The following RAPGEF6 variants were observed in gnomAD, a reference collection of about 807,000 sequenced individuals.
RAPGEF6 encodes Rap guanine nucleotide exchange factor 6.
A neutral mutation model predicts 171.4 loss-of-function variants in RAPGEF6; 56 were observed. That is an observed-to-expected ratio of 0.33 (90% CI 0.26 to 0.41). The LOEUF (loss-of-function observed/expected upper bound fraction) is 0.41. Ranked by LOEUF, RAPGEF6 falls within the 10% of genes least tolerant of loss-of-function variation. The probability of loss-of-function intolerance (pLI) is 1.00; values close to 1 mark genes in which losing one functional copy is unlikely to be tolerated. For missense variants in RAPGEF6, 1,674 were observed against 1,921.4 expected, an observed-to-expected ratio of 0.87 and a Z score of 2.41; for synonymous variants, 692 against 650.1, an observed-to-expected ratio of 1.06 and a Z score of -0.98.
intron 22 of RAPGEF6, among the ~76,000 whole-genome samples, chr5:131,446,219 A>T (rs1162338554): frequency 6.6e-6 from 1 of 152,202 alleles, no homozygotes; most frequent in Non-Finnish European, 1.5e-5. Context: ...TCAAACAGAA[A>T]GCCTCCTCTA....
Position 131,521,512 on chromosome 5 carries a change from C to A in RAPGEF6, c.505G>T (p.Asp169Tyr). 5.0e-6 allele frequency: 8 copies of A among 1,598,070 alleles called. No individual in the cohort carries two copies. The highest frequency in any genetic ancestry group is 1.1e-5 in the South Asian group (1 of 87,476). Residue 169 changes from aspartate (D) to tyrosine (Y), a missense_variant, in exon 7 of 28, where the codon GAT (aspartate) becomes TAT (tyrosine). Asp to Tyr is a radical substitution (Grantham distance 160). Around this residue, in one of 3 missense-constraint regions of RAPGEF6, gnomAD observed 1,116 missense variants for 1,321.5 expected, o/e 0.84. Coordinates refer to ENST00000509018, the MANE Select transcript of RAPGEF6 (RefSeq NM_016340.6). ...EVNSYLSLPA[D>Y]LTKMHLTENP... Reference sequence around the variant, plus strand: ...TCTGTGAGATGCATCTTGGTAAGATCAGCTGGAAGCTGAAAAAAAAAATAA... The same window carrying A: ...TCTGTGAGATGCATCTTGGTAAGATAAGCTGGAAGCTGAAAAAAAAAATAA...
intron 1 of RAPGEF6, among the ~76,000 whole-genome samples, chr5:131,608,682 T>A (rs1051805488): frequency 1.3e-5 from 2 of 152,172 alleles, no homozygotes; most frequent in African/African-American, 4.8e-5. Flanking sequence ...TGTAAATAGA[T>A]CAATGCTTGT....
chr5:131,454,373 T>C (rs1360040993), intron 20 of RAPGEF6, among the ~76,000 whole-genome samples: 1 of 152,194 alleles, frequency 6.6e-6, no homozygotes, highest in Non-Finnish European at 1.5e-5. Context: ...TAATCTCACT[T>C]TTCAATAATA....
chr5:131,515,198 C>A (rs538295866), intron 7 of RAPGEF6, among the ~76,000 whole-genome samples: 1 of 152,270 alleles, frequency 6.6e-6, no homozygotes, highest in Admixed American at 6.5e-5. Context: ...AGTGTTAAGC[C>A]TTAGACTTTC....
At chr5:131,589,389 C>A (rs924430201) in intron 4 of RAPGEF6, among the ~76,000 whole-genome samples, 2 of 152,184 alleles carry the variant, frequency 1.3e-5, no homozygotes, top group African/African-American at 4.8e-5. Context: ...GGCACTATGA[C>A]AGATTACATA....
chr5:131,561,129 T>C (rs1158260812), intron 5 of RAPGEF6, among the ~76,000 whole-genome samples: 1 of 151,886 alleles, frequency 6.6e-6, no homozygotes, highest in Non-Finnish European at 1.5e-5. Flanking sequence ...AAAAAAAAAT[T>C]CTAAAGTTAC....
chr5:131,583,168 A>C (rs993598383), intron 4 of RAPGEF6, among the ~76,000 whole-genome samples: 7 of 152,150 alleles, frequency 4.6e-5, no homozygotes, highest in Non-Finnish European at 8.8e-5. Flanking sequence ...CCTAAACCCC[A>C]ATCGACTAAA....
At chr5:131,592,034 T>C (rs1400299447) in intron 4 of RAPGEF6, among the ~76,000 whole-genome samples, 2 of 152,040 alleles carry the variant, frequency 1.3e-5, no homozygotes, top group Non-Finnish European at 2.9e-5. Context: ...ATTTTGTATT[T>C]TAATAGAGAC....
chr5:131,488,122 T>C (rs1033287430), intron 15 of RAPGEF6, among the ~76,000 whole-genome samples: 10 of 152,118 alleles, frequency 6.6e-5, no homozygotes, highest in Admixed American at 4.6e-4. Flanking sequence ...CCATGTAACT[T>C]CTACCCTCTG....
At chr5:131,575,288 C>G (rs567288770) in intron 4 of RAPGEF6, among the ~76,000 whole-genome samples, 19 of 152,318 alleles carry the variant, frequency 1.2e-4, no homozygotes, top group African/African-American at 4.6e-4. Flanking sequence ...GATCTACTTT[C>G]TTTCCATCCG....
intron 5 of RAPGEF6, among the ~76,000 whole-genome samples, chr5:131,550,883 C>G (rs1010362681): frequency 3.9e-5 from 6 of 152,164 alleles, no homozygotes; most frequent in African/African-American, 1.4e-4. Flanking sequence ...TTCAACCAAT[C>G]CCTCCTCTAC....
At chr5:131,477,541 G>A (rs1380653904) in intron 16 of RAPGEF6, among the ~76,000 whole-genome samples, 3 of 152,070 alleles carry the variant, frequency 2.0e-5, no homozygotes, top group Admixed American at 6.6e-5. Context: ...TGTTCCTGGC[G>A]ACCTCAGTTT....
At chr5:131,515,360 C>T (rs939463997) in intron 7 of RAPGEF6, among the ~76,000 whole-genome samples, 3 of 152,304 alleles carry the variant, frequency 2.0e-5, no homozygotes, top group Admixed American at 6.5e-5. Context: ...TACAACACGG[C>T]AGGCAGGCAA....
intron 13 of RAPGEF6, among the ~76,000 whole-genome samples, chr5:131,493,973 G>A (rs1756462445): frequency 6.6e-6 from 1 of 152,002 alleles, no homozygotes; most frequent in Non-Finnish European, 1.5e-5. Context: ...GGAACCAAGG[G>A]GTAATGAAAG....
intron 26 of RAPGEF6, 168 bp downstream of exon 26, chr5:131,430,691 C>A: frequency 1.0e-6 from 1 of 977,370 alleles, no homozygotes; most frequent in Non-Finnish European, 1.6e-6. Flanking sequence ...GCTCCAAAGT[C>A]TTTGAGAAAC....
chr5:131,431,897 T>C lies in RAPGEF6; in HGVS notation c.3975-548A>G, dbSNP rs139338046. 4.2e-3 allele frequency among the ~76,000 whole-genome samples: 637 copies of C among 152,294 alleles called. 4 individuals carry two copies. The highest frequency in any genetic ancestry group is 0.013 in the African/African-American group (550 of 41,546). ...TCACAATATTAGACTACTGCGTCCATGCATACAGAATTAAGAGTTCCCAAC... is the reference window on the plus strand; with the variant it reads ...TCACAATATTAGACTACTGCGTCCACGCATACAGAATTAAGAGTTCCCAAC... On this transcript the variant is annotated intron_variant, in intron 25 of 27. Coordinates refer to ENST00000509018, the MANE Select transcript of RAPGEF6 (RefSeq NM_016340.6).
At chr5:131,622,833 G>C (rs1765673487) in intron 1 of RAPGEF6, among the ~76,000 whole-genome samples, 1 of 152,156 alleles carries the variant, frequency 6.6e-6, no homozygotes. Flanking sequence ...AAGCACAACA[G>C]AATCTTTGTT....
intron 1 of RAPGEF6, among the ~76,000 whole-genome samples, chr5:131,620,617 G>T (rs188332412): frequency 5.6e-4 from 83 of 149,306 alleles, no homozygotes; most frequent in Middle Eastern, 3.4e-3. Flanking sequence ...TTGAGACACA[G>T]TCTCACTCTG....
Position 131,492,769 on chromosome 5 carries a change from A to G in RAPGEF6, c.1544T>C (p.Leu515Pro). ...AGCACAGGCAATATTCAATAACCGG[A>G]GATGACCATTCATCTTCTGTTAAGC... is the stretch of plus-strand genomic sequence containing the variant. ...NLEDTKMNGHLRLLNIACAAK... is the reference protein window; with the variant it reads ...NLEDTKMNGHPRLLNIACAAK... The change falls in exon 14 of 28, where the codon CTC becomes CCC. Residue 515 changes from leucine to proline, a missense_variant. By Grantham distance (98) the Leu-to-Pro change is moderately conservative. Coordinates refer to ENST00000509018, the MANE Select transcript of RAPGEF6 (RefSeq NM_016340.6). 1 of 1,613,076 alleles carries G rather than the reference A, an allele frequency of 6.2e-7. No individual in the cohort carries two copies. Among genetic ancestry groups the G allele is most frequent in the Non-Finnish European group, 8.5e-7 (1 of 1,178,978 alleles).
Sources: allele counts gnomAD v4.1 joint callset (sites outside exome capture counted in the v4.1 genomes callset), GRCh38; gene constraint gnomAD v4.1.1; regional missense constraint gnomAD v4.1.1; transcripts MANE v1.5; gene names NCBI Gene and HGNC (gene_info 2026-07-23, HGNC 2026-07-21).